Variants in ADARB2 observed in about 807,000 individuals in gnomAD.
ADARB2 encodes the protein adenosine deaminase RNA specific B2 (inactive).
ADARB2 carries 25 observed loss-of-function variants against 62.2 expected under a neutral mutation model. The observed-to-expected ratio is 0.40, with a 90% CI of 0.29 to 0.56. The LOEUF (loss-of-function observed/expected upper bound fraction) is 0.56. Among genes scored for constraint, ADARB2 ranks in the 20% least tolerant of loss-of-function variants. The pLI is 0.43. For synonymous variants in ADARB2, 572 were observed against 500.8 expected (o/e 1.14, Z -1.90); for missense variants, 1,071 against 1,077.4 (o/e 0.99, Z 0.08).
chr10:1,253,218 G>A (rs1187564595), intron 4 of ADARB2, among the ~76,000 whole-genome samples: 1 of 152,198 alleles, frequency 6.6e-6, no homozygotes, highest in Non-Finnish European at 1.5e-5. Context: ...ATATATTTCT[G>A]TTCTCTTGTA....
At chr10:1,650,236 G>T (rs1044424360) in intron 1 of ADARB2, among the ~76,000 whole-genome samples, 1 of 152,116 alleles carries the variant, frequency 6.6e-6, no homozygotes, top group African/African-American at 2.4e-5. Flanking sequence ...TATGTTTTTT[G>T]GGGGTAAGAA....
At chr10:1,186,835 G>A (rs1836765514) in intron 8 of ADARB2, among the ~76,000 whole-genome samples, 3 of 152,198 alleles carry the variant, frequency 2.0e-5, no homozygotes, top group Non-Finnish European at 2.9e-5. Context: ...GAGCTGGTGC[G>A]AGTGGGTTCC....
At chr10:1,217,586 T>C (rs1830643751) in intron 6 of ADARB2, among the ~76,000 whole-genome samples, 1 of 152,236 alleles carries the variant, frequency 6.6e-6, no homozygotes, top group African/African-American at 2.4e-5. Context: ...TGGAGGGCTG[T>C]GCAGAAATAG....
At chr10:1,432,534 A>G (rs1830787341) in intron 1 of ADARB2, among the ~76,000 whole-genome samples, 1 of 149,708 alleles carries the variant, frequency 6.7e-6, no homozygotes. Flanking sequence ...TCATGAGGGT[A>G]TTTTAATCTA....
chr10:1,455,879 C>T (rs1048118751), intron 1 of ADARB2, among the ~76,000 whole-genome samples: 5 of 152,128 alleles, frequency 3.3e-5, no homozygotes, highest in African/African-American at 7.2e-5. Flanking sequence ...CTTCCATGAA[C>T]GCAAGCAAAA....
chr10:1,464,747 G>A (rs1176728280), intron 1 of ADARB2, among the ~76,000 whole-genome samples: 9 of 136,750 alleles, frequency 6.6e-5, no homozygotes, highest in South Asian at 2.5e-4. Context: ...CCACACACGC[G>A]CTGGGGGCAG....
Position 1,612,541 on chromosome 10 carries a change from C to A in ADARB2, c.100+124510G>T, listed in dbSNP as rs375040587. Among the ~76,000 whole-genome samples, 3 of 152,228 alleles carry A rather than the reference C, an allele frequency of 2.0e-5. No homozygotes were observed. The East Asian group carries it at 5.8e-4, about 29-fold the overall frequency. On this transcript the variant is annotated intron_variant, in intron 1 of 9. Coordinates refer to ENST00000381312, the MANE Select transcript of ADARB2 (RefSeq NM_018702.4). ...ACTCATCTTCCCAACTCTGAGGCAG[C>A]CTCTATTATTGTCCTTGTTTATAGG...
chr10:1,499,314 C>T (rs1197832696), intron 1 of ADARB2, among the ~76,000 whole-genome samples: 2 of 152,058 alleles, frequency 1.3e-5, no homozygotes, highest in African/African-American at 4.8e-5. Context: ...ACTCATCACG[C>T]ATTCATTACT....
intron 6 of ADARB2, among the ~76,000 whole-genome samples, chr10:1,217,449 C>T (rs567595791): frequency 6.6e-5 from 10 of 152,336 alleles, no homozygotes; most frequent in Middle Eastern, 3.4e-3. Context: ...AAGGGGCCAC[C>T]GCGTCCTCAA....
intron 3 of ADARB2, among the ~76,000 whole-genome samples, chr10:1,340,212 C>T (rs71491363): frequency 7.0e-4 from 84 of 119,348 alleles, no homozygotes; most frequent in African/African-American, 1.2e-3. Flanking sequence ...GAGAACCACG[C>T]GCCCCACAGC....
chr10:1,373,124 T>C (rs1392887768), intron 2 of ADARB2, among the ~76,000 whole-genome samples: 1 of 152,160 alleles, frequency 6.6e-6, no homozygotes, highest in Non-Finnish European at 1.5e-5. Context: ...TTTTCACAGT[T>C]AGAAAAAACA....
At chr10:1,394,767 C>T (rs1177366450) in intron 1 of ADARB2, 2 of 447,318 alleles carry the variant, frequency 4.5e-6, no homozygotes, top group Non-Finnish European at 9.0e-6. Flanking sequence ...ATGAGACTTG[C>T]ATTCTGCAAA....
At chr10:1,450,192 C>A (rs558762285) in intron 1 of ADARB2, among the ~76,000 whole-genome samples, 6 of 152,304 alleles carry the variant, frequency 3.9e-5, no homozygotes, top group Non-Finnish European at 7.4e-5. Flanking sequence ...CCTGCATAGC[C>A]CTGGTCCTCA....
intron 1 of ADARB2, among the ~76,000 whole-genome samples, chr10:1,631,516 C>G (rs1230861418): frequency 6.6e-6 from 1 of 152,230 alleles, no homozygotes; most frequent in East Asian, 1.9e-4. Flanking sequence ...CCCAAATGAA[C>G]AGCAGTGCTT....
chr10:1,242,348 C>T (rs779278689), intron 4 of ADARB2, 49 bp from the exon 5 acceptor site: 23 of 1,498,144 alleles, frequency 1.5e-5, no homozygotes, highest in Non-Finnish European at 2.1e-5. Flanking sequence ...GCCCCCGTCT[C>T]CCTCCTCCTC....
At chr10:1,683,202 T>A (rs907648293) in intron 1 of ADARB2, among the ~76,000 whole-genome samples, 1 of 151,934 alleles carries the variant, frequency 6.6e-6, no homozygotes, top group Non-Finnish European at 1.5e-5. Flanking sequence ...CCGAGATAGG[T>A]CTGACCCCAG....
At chr10:1,581,188 T>C (rs2813386) in intron 1 of ADARB2, among the ~76,000 whole-genome samples, 1,606 of 152,350 alleles carry the variant, frequency 0.011, 22 homozygotes, top group African/African-American at 0.036. Flanking sequence ...AGAAGACTGC[T>C]GTGGGGCCAG....
chr10:1,656,192 G>A (rs1017833799), intron 1 of ADARB2, among the ~76,000 whole-genome samples: 3 of 152,068 alleles, frequency 2.0e-5, no homozygotes, highest in Non-Finnish European at 4.4e-5. Flanking sequence ...GTACTACATC[G>A]CCAAAATGGG....
chr10:1,241,950 C>T (rs756061780), intron 5 of ADARB2, among the ~76,000 whole-genome samples, 181 bp downstream of exon 5: 3 of 152,234 alleles, frequency 2.0e-5, no homozygotes, highest in Non-Finnish European at 2.9e-5. Context: ...CCAGCGCACA[C>T]GGCGGCTTTA....
Sources: gnomAD v4.1 joint callset for allele counts (sites outside exome capture counted in the v4.1 genomes callset) on GRCh38, gnomAD v4.1.1 for gene constraint, MANE v1.5 for transcripts, NCBI Gene and HGNC (gene_info 2026-07-23, HGNC 2026-07-21) for gene names.